CTNNA2: variants seen among roughly 807,000 people sequenced by gnomAD.
CTNNA2 encodes catenin alpha 2, also known as catenin alpha-2.
Under a neutral mutation model 101.0 loss-of-function variants are expected in CTNNA2, and 42 were observed. That is an observed-to-expected ratio of 0.42 (90% confidence interval 0.32 to 0.54). CTNNA2 has a LOEUF of 0.54. CTNNA2 is among the 20% of genes least tolerant of loss of function. CTNNA2 has a pLI of 0.14. For missense variants in CTNNA2, 871 were observed against 1,223.1 expected (o/e 0.71, Z 4.29); for synonymous variants, 450 against 456.4 (o/e 0.99, Z 0.18).
chr2:80,166,923 CTG>C (rs913041670), intron 7 of CTNNA2, among the ~76,000 whole-genome samples: 3 of 151,380 alleles, frequency 2.0e-5, no homozygotes, highest in Middle Eastern at 3.2e-3. Context: ...TTTTTTTTGT[CTG>C]TGCCGTCAGC....
At chr2:80,220,358 A>G (rs1273376327) in intron 7 of CTNNA2, among the ~76,000 whole-genome samples, 1 of 152,240 alleles carries the variant, frequency 6.6e-6, no homozygotes, top group African/African-American at 2.4e-5. Context: ...CAGCTTTTAT[A>G]TGGCATCCAC....
At chr2:79,638,746 A>C (rs969924225) in intron 1 of CTNNA2, among the ~76,000 whole-genome samples, 1 of 152,230 alleles carries the variant, frequency 6.6e-6, no homozygotes, top group African/African-American at 2.4e-5. Context: ...GCACATGTGT[A>C]GATTTAACTT....
At chr2:80,216,081 C>T (rs1238661821) in intron 7 of CTNNA2, among the ~76,000 whole-genome samples, 1 of 152,208 alleles carries the variant, frequency 6.6e-6, no homozygotes, top group Non-Finnish European at 1.5e-5. Flanking sequence ...ATATAATCTC[C>T]TGGTGTGCCA....
chr2:80,578,432 C>A (rs1695249770), intron 13 of CTNNA2, among the ~76,000 whole-genome samples: 1 of 152,146 alleles, frequency 6.6e-6, no homozygotes, highest in Non-Finnish European at 1.5e-5. Context: ...CATTTGCAGA[C>A]CCTCTGTAAT....
intron 4 of CTNNA2, chr2:79,500,956 T>C (rs1006833755): frequency 6.6e-6 from 1 of 152,220 alleles, no homozygotes; most frequent in African/African-American, 2.4e-5. Flanking sequence ...AAGAACTTGA[T>C]GAAGCAGCCA....
chr2:80,526,252 T>C (rs12997255), intron 9 of CTNNA2, among the ~76,000 whole-genome samples: 29,926 of 151,992 alleles, frequency 0.2, 3,132 homozygotes, highest in Middle Eastern at 0.33. Flanking sequence ...TAGGCTGGAG[T>C]GCAGTGGTGC....
intron 7 of CTNNA2, among the ~76,000 whole-genome samples, chr2:80,343,897 A>G (rs964901702): frequency 2.0e-5 from 3 of 152,150 alleles, no homozygotes; most frequent in Non-Finnish European, 4.4e-5. Context: ...TCACACACTT[A>G]TATATATAAC....
chr2:79,666,546 G>A (rs918293357), intron 2 of CTNNA2, among the ~76,000 whole-genome samples: 2 of 151,928 alleles, frequency 1.3e-5, no homozygotes, highest in Admixed American at 6.6e-5. Flanking sequence ...ATTGTAGTTC[G>A]TGTGTGCTTT....
At chr2:79,599,021 A>G (rs991442925) in intron 1 of CTNNA2, among the ~76,000 whole-genome samples, 7 of 152,122 alleles carry the variant, frequency 4.6e-5, no homozygotes, top group African/African-American at 1.7e-4. Context: ...TTTAATGTGA[A>G]TATCCAGTTT....
intron 7 of CTNNA2, among the ~76,000 whole-genome samples, chr2:80,374,033 A>G (rs762738192): frequency 2.6e-5 from 4 of 151,588 alleles, no homozygotes; most frequent in Admixed American, 6.6e-5. Context: ...GGCTACCATA[A>G]CAAAATACCA....
At chr2:80,404,739 A>G (rs1678906543) in intron 8 of CTNNA2, among the ~76,000 whole-genome samples, 1 of 152,186 alleles carries the variant, frequency 6.6e-6, no homozygotes, top group Admixed American at 6.5e-5. Flanking sequence ...AGGAATATTA[A>G]GATGCCTTTT....
intron 4 of CTNNA2, among the ~76,000 whole-genome samples, chr2:79,488,647 G>T (rs1162432419): frequency 6.6e-6 from 1 of 152,114 alleles, no homozygotes; most frequent in Non-Finnish European, 1.5e-5. Flanking sequence ...GAACCTTCTG[G>T]ATTATAGTAT....
intron 1 of CTNNA2, among the ~76,000 whole-genome samples, chr2:79,192,765 G>A (rs1991992): frequency 0.17 from 25,046 of 151,704 alleles, 2,268 homozygotes; most frequent in Middle Eastern, 0.19. Context: ...CATCCTCCTC[G>A]CCCCTTGAAT....
At chr2:79,903,367 T>A (rs1221221857) in intron 6 of CTNNA2, among the ~76,000 whole-genome samples, 1 of 152,048 alleles carries the variant, frequency 6.6e-6, no homozygotes, top group East Asian at 1.9e-4. Context: ...CAAAGCTAAC[T>A]TCCTTAGCTG....
intron 4 of CTNNA2, among the ~76,000 whole-genome samples, chr2:79,444,446 G>A (rs1415500306): frequency 6.6e-6 from 1 of 152,056 alleles, no homozygotes; most frequent in East Asian, 1.9e-4. Context: ...GGATGGAGTG[G>A]AGCATAATAG....
intron 2 of CTNNA2, among the ~76,000 whole-genome samples, chr2:79,281,819 A>G (rs2104337770): frequency 6.6e-6 from 1 of 152,336 alleles, no homozygotes. Flanking sequence ...TTGTGAATTT[A>G]TCAATTTATG....
intron 7 of CTNNA2, among the ~76,000 whole-genome samples, chr2:80,064,847 C>G (rs1415348430): frequency 6.6e-6 from 1 of 152,152 alleles, no homozygotes; most frequent in Non-Finnish European, 1.5e-5. Flanking sequence ...AACTGTACCT[C>G]TTAATGGAAA....
chr2:79,227,591 A>G (rs1674436620), intron 2 of CTNNA2, among the ~76,000 whole-genome samples: 1 of 152,182 alleles, frequency 6.6e-6, no homozygotes. Context: ...GAGTCACACA[A>G]TTTTTGGTTT....
intron 7 of CTNNA2, among the ~76,000 whole-genome samples, chr2:80,085,460 C>G (rs546831490): frequency 6.6e-6 from 1 of 151,952 alleles, no homozygotes; most frequent in Non-Finnish European, 1.5e-5. Flanking sequence ...CCGAATAGTT[C>G]TAGTAACTTT....
Sources: gnomAD v4.1 joint callset for allele counts (sites outside exome capture counted in the v4.1 genomes callset) on GRCh38, gnomAD v4.1.1 for gene constraint, MANE v1.5 for transcripts, NCBI Gene and HGNC (gene_info 2026-07-23, HGNC 2026-07-21) for gene names.